The following SIAE variants were observed in gnomAD, a reference collection of about 807,000 sequenced individuals.
SIAE encodes sialate O-acetylesterase.
In SIAE, 39 loss-of-function variants were observed where a neutral mutation model predicts 52.6. The observed-to-expected ratio is 0.74, with a 90% CI of 0.57 to 0.97. The LOEUF (loss-of-function observed/expected upper bound fraction) is 0.97. SIAE is among the 50% of genes least tolerant of loss of function. The pLI is 0.00. For missense variants in SIAE, 592 were observed against 662.1 expected (o/e 0.89, Z 1.16); for synonymous variants, 233 against 241.4 (o/e 0.97, Z 0.32).
chr11:124,639,353 G>A (rs1228463186), intron 8 of SIAE, among the ~76,000 whole-genome samples: 1 of 152,210 alleles, frequency 6.6e-6, no homozygotes, highest in Non-Finnish European at 1.5e-5. Flanking sequence ...TTTGGCCAGT[G>A]CAATGTGAGC....
intron 2 of SIAE, among the ~76,000 whole-genome samples, chr11:124,665,985 T>TAC (rs1943268675): frequency 6.6e-6 from 1 of 152,162 alleles, no homozygotes; most frequent in Non-Finnish European, 1.5e-5. Context: ...ATCACCTACA[T>TAC]ACACACACCC....
At position 124,635,870 on chromosome 11, in the gene SIAE, A is replaced by G. The variant is rs943091459; in HGVS notation, c.*1081T>C. 4.6e-5 allele frequency: 7 copies of G among 152,150 alleles called. No homozygotes were observed. The highest frequency in any genetic ancestry group is 1.7e-4 in the African/African-American group (7 of 41,446). The allele number at this position is 152,150 out of a possible 1,614,324, so 9.4% of individuals were successfully genotyped here. A position where few individuals can be genotyped will look rare whatever the true frequency, so the allele number is the denominator to read the frequency against. On this transcript the variant is annotated 3_prime_UTR_variant, in exon 10 of 10. Coordinates refer to ENST00000263593, the MANE Select transcript of SIAE (RefSeq NM_170601.5). ...TTTCAGACAATGTTAGCTGTTTTTA[A>G]TCCATCAGTAAACTGCATTAAGATT...
chr11:124,669,579 G>C, intron 1 of SIAE, 58 bp from the exon 2 acceptor site: 16 of 1,477,514 alleles, frequency 1.1e-5, no homozygotes, highest in Non-Finnish European at 1.4e-5. Context: ...GCACCAACTG[G>C]ATCAAGTGAA....
chr11:124,637,419 TAATA>T (rs974806831), intron 9 of SIAE, among the ~76,000 whole-genome samples: 36 of 152,206 alleles, frequency 2.4e-4, no homozygotes, highest in African/African-American at 7.0e-4. Context: ...TAAATAATTT[TAATA>T]AATAAAACAT....
At chr11:124,649,532 T>C (rs1210170982) in intron 5 of SIAE, 87 bp downstream of exon 5, 2 of 1,413,800 alleles carry the variant, frequency 1.4e-6, no homozygotes, top group East Asian at 2.3e-5. Flanking sequence ...ATTCACCATA[T>C]ACTTAACTCC....
At chr11:124,647,761 G>A (rs1591387069) in intron 6 of SIAE, among the ~76,000 whole-genome samples, 1 of 152,170 alleles carries the variant, frequency 6.6e-6, no homozygotes, top group South Asian at 2.1e-4. Context: ...ATACTGGCTT[G>A]CTGAAGGATA....
intron 5 of SIAE, 41 bp from the exon 6 acceptor site, chr11:124,648,216 G>T: frequency 6.7e-7 from 1 of 1,492,212 alleles, no homozygotes; most frequent in Non-Finnish European, 9.3e-7. Context: ...GAGAGCCAGT[G>T]ATTGATCACA....
chr11:124,670,262 G>A lies in SIAE; in HGVS notation c.68-741C>T, dbSNP rs1193804556. Among the ~76,000 whole-genome samples the A allele has an allele frequency of 6.6e-6, 1 of 152,100 alleles. No individual in the cohort carries two copies. Among genetic ancestry groups the A allele is most frequent in the Middle Eastern group, 3.2e-3 (1 of 316 alleles). On this transcript the variant is annotated intron_variant, in intron 1 of 9. Coordinates refer to ENST00000263593, the MANE Select transcript of SIAE (RefSeq NM_170601.5). The surrounding 1 kb of genome is among the most constrained non-coding windows in gnomAD (Gnocchi z 4.5). The stretch of plus-strand genomic sequence containing the variant: ...TGTCACAATTTTACCCATTCCACAA[G>A]CTAAATTATACTAAAAGGACAAGAG...
chr11:124,674,782 T>C (rs1943437694), upstream of SIAE: 1 of 153,880 alleles, frequency 6.5e-6, no homozygotes, highest in African/African-American at 2.4e-5. Context: ...GGGGAAAGAT[T>C]GTGCAACTTC....
chr11:124,646,583 G>C (rs1356216358), intron 7 of SIAE, among the ~76,000 whole-genome samples: 2 of 152,080 alleles, frequency 1.3e-5, no homozygotes, highest in Admixed American at 6.6e-5. Flanking sequence ...AGTTGGGGAG[G>C]GGGTGGGGAA....
At chr11:124,663,513 G>A (rs534634355) in intron 2 of SIAE, among the ~76,000 whole-genome samples, 2 of 152,342 alleles carry the variant, frequency 1.3e-5, no homozygotes, top group South Asian at 4.1e-4. Context: ...GGCGGAGCTT[G>A]CAGTGAGCCG....
chr11:124,664,170 G>C (rs567036934), intron 2 of SIAE, among the ~76,000 whole-genome samples: 3 of 152,206 alleles, frequency 2.0e-5, no homozygotes, highest in South Asian at 4.1e-4. Flanking sequence ...ACTGACAAGA[G>C]AGCCATGCAA....
chr11:124,643,599 T>C (rs1262317700), intron 7 of SIAE, among the ~76,000 whole-genome samples: 1 of 152,204 alleles, frequency 6.6e-6, no homozygotes, highest in African/African-American at 2.4e-5. Context: ...GGAAAGTTGA[T>C]ACACTCCTAC....
chr11:124,641,964 A>AAAAAAAAAAAAAAAAAAG, intron 7 of SIAE, among the ~76,000 whole-genome samples: 1 of 149,098 alleles, frequency 6.7e-6, no homozygotes, highest in Non-Finnish European at 1.5e-5. Flanking sequence ...CATCTCAAAA[A>AAAAAAAAAAAAAAAAAAG]AAAAAAAAAA....
At chr11:124,654,621 A>G (rs1386870531) in intron 4 of SIAE, 34 bp downstream of exon 4, 1 of 1,614,028 alleles carries the variant, frequency 6.2e-7, no homozygotes, top group East Asian at 2.2e-5. Flanking sequence ...CTAACCCATT[A>G]TATAAGAGAC....
chr11:124,675,058 A>T, upstream of SIAE: 1 of 537,424 alleles, frequency 1.9e-6, no homozygotes, highest in Non-Finnish European at 3.2e-6. Flanking sequence ...TTTGTATTAT[A>T]CTAATTCACA....
chr11:124,673,509 G>T lies in SIAE; in HGVS notation c.67+133C>A, dbSNP rs1043346700. 4.7e-5 allele frequency: 50 copies of T among 1,057,644 alleles called. No homozygotes were observed. In the African/African-American group the frequency reaches 6.2e-4, roughly 13 times the overall value. The allele number at this position is 1,057,644 out of a possible 1,614,324, so 65.5% of individuals were successfully genotyped here. ...CAGACCGGGCCTCGGTCGGAGACGCGAGCCCCTAGCCTAGCTAGGTTCCTT... is the reference window on the plus strand; with the variant it reads ...CAGACCGGGCCTCGGTCGGAGACGCTAGCCCCTAGCCTAGCTAGGTTCCTT... On this transcript the variant is annotated intron_variant, in intron 1 of 9. Transcript: ENST00000263593.
intron 3 of SIAE, among the ~76,000 whole-genome samples, chr11:124,658,221 CGTGTGAGTGTGT>C: frequency 6.7e-6 from 1 of 150,336 alleles, no homozygotes; most frequent in African/African-American, 2.5e-5. Context: ...GCAAAGCATG[CGTGTGAGTGTGT>C]GTCTGTGCAC....
chr11:124,655,377 G>A (rs755575361), intron 3 of SIAE, among the ~76,000 whole-genome samples: 17 of 151,960 alleles, frequency 1.1e-4, no homozygotes, highest in Non-Finnish European at 2.1e-4. Context: ...GGGTTTCACC[G>A]TGTTAGCCCG....
Sources: allele counts gnomAD v4.1 joint callset (sites outside exome capture counted in the v4.1 genomes callset), GRCh38; gene constraint gnomAD v4.1.1; non-coding constraint Gnocchi (gnomAD v3.1); transcripts MANE v1.5; gene names NCBI Gene and HGNC (gene_info 2026-07-23, HGNC 2026-07-21).